WWC2: variants seen among roughly 807,000 people sequenced by gnomAD.
WWC2 encodes the protein WW and C2 domain containing 2.
In WWC2, 101 loss-of-function variants were observed where a neutral mutation model predicts 138.5. That is an observed-to-expected ratio of 0.73 (90% CI 0.62 to 0.86). The LOEUF is 0.86. WWC2 is among the 40% of genes least tolerant of loss of function. The pLI, the probability that WWC2 is intolerant of heterozygous loss-of-function variation, is 0.00. For synonymous variants in WWC2, 558 were observed against 538.4 expected, an observed-to-expected ratio of 1.04 and a Z score of -0.50; for missense variants, 1,420 against 1,419.4, an observed-to-expected ratio of 1.00 and a Z score of -0.01.
chr4:183,168,496 G>A (rs1001780696), intron 1 of WWC2, among the ~76,000 whole-genome samples: 1 of 152,158 alleles, frequency 6.6e-6, no homozygotes, highest in African/African-American at 2.4e-5. Flanking sequence ...AACTCTCCCA[G>A]CAAGCTCTTC....
At chr4:183,259,238 T>G (rs1315022045) in intron 9 of WWC2, among the ~76,000 whole-genome samples, 1 of 152,242 alleles carries the variant, frequency 6.6e-6, no homozygotes, top group Non-Finnish European at 1.5e-5. Context: ...TGACCTTTAC[T>G]GTTGCTGTGA....
At position 183,318,020 on chromosome 4, in the gene WWC2, A is replaced by G. The variant is rs910947700; in HGVS notation, c.*2291A>G. ...TCTTGTCATATTTGTACTAACCCAA[A>G]TGATTCACAGTGACAAAACATTTTA... is the stretch of plus-strand genomic sequence containing the variant. On this transcript the variant is annotated 3_prime_UTR_variant, in exon 23 of 23. Coordinates refer to ENST00000403733, the MANE Select transcript of WWC2 (RefSeq NM_024949.6). The G allele has an allele frequency of 3.9e-5, 6 of 152,196 alleles. No individual in the cohort carries two copies. Among genetic ancestry groups the G allele is most frequent in the African/African-American group, 4.8e-5 (2 of 41,452 alleles). 9.4% of individuals were successfully genotyped at this position (152,196 alleles called of 1,614,324 possible). A position where few individuals can be genotyped will look rare whatever the true frequency, so the allele number is the denominator to read the frequency against.
chr4:183,274,381 G>T (rs576366526), intron 16 of WWC2, among the ~76,000 whole-genome samples: 3 of 152,200 alleles, frequency 2.0e-5, no homozygotes, highest in Admixed American at 2.0e-4. Context: ...ATTTATTTAG[G>T]TCTTTAATTT....
At chr4:183,258,661 A>C (rs1351600029) in intron 9 of WWC2, among the ~76,000 whole-genome samples, 1 of 152,178 alleles carries the variant, frequency 6.6e-6, no homozygotes, top group Non-Finnish European at 1.5e-5. Context: ...TAACAGCCTT[A>C]CCAGGGAGAC....
At chr4:183,269,375 A>G (rs1485085150) in intron 15 of WWC2, 1 of 712,984 alleles carries the variant, frequency 1.4e-6, no homozygotes, top group Admixed American at 2.0e-5. Context: ...ATAAATTGTG[A>G]TTTTCTGTAA....
At chr4:183,106,703 C>CT (rs1367288114) in intron 1 of WWC2, among the ~76,000 whole-genome samples, 1 of 152,144 alleles carries the variant, frequency 6.6e-6, no homozygotes, top group Admixed American at 6.5e-5. Flanking sequence ...TATCTGGCTT[C>CT]TTTTTTTCTT....
At chr4:183,242,940 T>C (rs1736666030) in intron 5 of WWC2, among the ~76,000 whole-genome samples, 1 of 151,780 alleles carries the variant, frequency 6.6e-6, no homozygotes. Context: ...AACAGTGAAA[T>C]AAAGGAAAAA....
chr4:183,167,544 T>G (rs1167907195), intron 1 of WWC2, among the ~76,000 whole-genome samples: 1 of 152,144 alleles, frequency 6.6e-6, no homozygotes, highest in Non-Finnish European at 1.5e-5. Context: ...AATTAACATC[T>G]TTCTGGTCAA....
rs1553982862 is a variant in WWC2 at position 183,319,732 on chromosome 4, C to G, written c.*4003C>G. ...AACCAGCCCAGAAACAGGGCCTCCC[C>G]AAACTCCCACCTGGGGACAAAGTCT... On this transcript the variant is annotated 3_prime_UTR_variant, in exon 23 of 23. Coordinates refer to ENST00000403733, the MANE Select transcript of WWC2 (RefSeq NM_024949.6). The G allele has an allele frequency of 2.9e-5, 47 of 1,613,984 alleles. No homozygotes were observed. Among genetic ancestry groups the G allele is most frequent in the Non-Finnish European group, 4.0e-5 (47 of 1,179,930 alleles).
intron 1 of WWC2, among the ~76,000 whole-genome samples, chr4:183,165,916 A>G (rs1190978909): frequency 6.6e-6 from 1 of 152,214 alleles, no homozygotes; most frequent in East Asian, 1.9e-4. Flanking sequence ...GACATTCCAG[A>G]TGACAAAGTG....
chr4:183,224,175 C>T (rs1580075808), intron 4 of WWC2, among the ~76,000 whole-genome samples: 2 of 152,216 alleles, frequency 1.3e-5, no homozygotes, highest in South Asian at 4.1e-4. Flanking sequence ...CCTATAATTC[C>T]TGTAAATTAT....
chr4:183,171,821 G>C (rs970734482), intron 1 of WWC2, among the ~76,000 whole-genome samples: 6 of 152,068 alleles, frequency 3.9e-5, no homozygotes, highest in Admixed American at 3.9e-4. Flanking sequence ...TCTTAGCTTT[G>C]GATTTTGAGA....
At chr4:183,220,880 G>T (rs1000622006) in intron 4 of WWC2, among the ~76,000 whole-genome samples, 1 of 150,168 alleles carries the variant, frequency 6.7e-6, no homozygotes, top group African/African-American at 2.4e-5. Context: ...CAATAAAGGA[G>T]ATAAAATGGA....
intron 1 of WWC2, among the ~76,000 whole-genome samples, chr4:183,142,348 G>T (rs1188281702): frequency 1.3e-5 from 2 of 152,094 alleles, no homozygotes; most frequent in African/African-American, 4.8e-5. Context: ...TTTGTTTGAG[G>T]CTAAGTTGTT....
chr4:183,134,150 T>G (rs1733036830), intron 1 of WWC2, among the ~76,000 whole-genome samples: 1 of 152,174 alleles, frequency 6.6e-6, no homozygotes, highest in Non-Finnish European at 1.5e-5. Context: ...CTCTTGCTTT[T>G]TTTTGTAGTT....
chr4:183,176,664 C>A (rs1734476447), intron 1 of WWC2, among the ~76,000 whole-genome samples: 1 of 152,166 alleles, frequency 6.6e-6, no homozygotes, highest in South Asian at 2.1e-4. Context: ...CTCAGGTGAT[C>A]CACCCACCTT....
At chr4:183,202,255 A>G (rs993754299) in intron 2 of WWC2, among the ~76,000 whole-genome samples, 13 of 152,080 alleles carry the variant, frequency 8.5e-5, no homozygotes, top group Admixed American at 2.6e-4. Flanking sequence ...AGAGGAGGTT[A>G]GGGATATGGG....
At chr4:183,215,270 T>C (rs1211853659) in intron 4 of WWC2, among the ~76,000 whole-genome samples, 5 of 152,264 alleles carry the variant, frequency 3.3e-5, no homozygotes, top group Admixed American at 1.3e-4. Context: ...AAATATCTTA[T>C]TGTATCATAG....
intron 4 of WWC2, among the ~76,000 whole-genome samples, chr4:183,223,648 G>C (rs953630015): frequency 6.6e-6 from 1 of 151,956 alleles, no homozygotes; most frequent in Admixed American, 6.6e-5. Context: ...TTTGAATCAG[G>C]GTGTAAATAT....
Sources: gnomAD v4.1 joint callset for allele counts (sites outside exome capture counted in the v4.1 genomes callset) on GRCh38, gnomAD v4.1.1 for gene constraint, MANE v1.5 for transcripts, NCBI Gene and HGNC (gene_info 2026-07-23, HGNC 2026-07-21) for gene names.